The following ERC1 variants were observed in gnomAD, a reference collection of about 807,000 sequenced individuals.
The protein encoded by ERC1 is ELKS/RAB6-interacting/CAST family member 1.
In ERC1, 56 loss-of-function variants were observed where a neutral mutation model predicts 132.0. That is an observed-to-expected ratio of 0.42 (90% CI 0.34 to 0.53). ERC1 has a LOEUF of 0.53. Among genes scored for constraint, ERC1 ranks in the 20% least tolerant of loss-of-function variants. The probability of loss-of-function intolerance (pLI) is 0.03; values close to 1 mark genes in which losing one functional copy is unlikely to be tolerated. For synonymous variants in ERC1, 478 were observed against 476.1 expected (o/e 1.00, Z -0.05); for missense variants, 1,202 against 1,349.9 (o/e 0.89, Z 1.72).
At chr12:1,251,793 T>C (rs1193938097) in intron 13 of ERC1, among the ~76,000 whole-genome samples, 1 of 152,182 alleles carries the variant, frequency 6.6e-6, no homozygotes, top group Non-Finnish European at 1.5e-5. Flanking sequence ...TGAAAGACTT[T>C]ATTGATAGGA....
Position 1,027,916 on chromosome 12 carries a change from G to A in ERC1, c.13G>A (p.Ala5Thr), listed in dbSNP as rs936122168. 2 of 1,607,144 alleles carry A rather than the reference G, an allele frequency of 1.2e-6. No individual in the cohort carries two copies. Among genetic ancestry groups the A allele is most frequent in the African/African-American group, 2.7e-5 (2 of 74,728 alleles). ...TGACCTTGCAACCATGTATGGAAGT[G>A]CCCGCTCTGTTGGGAAGGTGGAGCC... The part of the protein sequence containing the change: MYGS[A>T]RSVGKVEPSS... The change falls in exon 2 of 19, where the codon GCC (alanine) becomes ACC (threonine). Residue 5 changes from alanine (A) to threonine (T), a missense_variant. Physicochemically the swap from Ala to Thr is moderately conservative, Grantham distance 58. Coordinates refer to ENST00000360905, the MANE Select transcript of ERC1 (RefSeq NM_178040.4).
chr12:1,232,859 A>T (rs77665718), intron 12 of ERC1, among the ~76,000 whole-genome samples: 3 of 151,880 alleles, frequency 2.0e-5, no homozygotes, highest in Admixed American at 6.6e-5. Flanking sequence ...TACTTCGGTG[A>T]TGTGTTATAT....
intron 8 of ERC1, among the ~76,000 whole-genome samples, chr12:1,159,181 A>G (rs1022905747): frequency 2.6e-5 from 4 of 152,212 alleles, no homozygotes; most frequent in African/African-American, 4.8e-5. Flanking sequence ...TTGTTTAACC[A>G]GAATTGATTC....
At chr12:1,185,156 G>A (rs187800921) in intron 11 of ERC1, among the ~76,000 whole-genome samples, 1 of 151,972 alleles carries the variant, frequency 6.6e-6, no homozygotes, top group Admixed American at 6.5e-5. Flanking sequence ...TGATCCACCC[G>A]CCTCAGCCTC....
chr12:1,456,037 C>T (rs2093526476), intron 18 of ERC1, among the ~76,000 whole-genome samples: 1 of 152,186 alleles, frequency 6.6e-6, no homozygotes, highest in Non-Finnish European at 1.5e-5. Flanking sequence ...GGTGAGGAAA[C>T]ATTTATGGGC....
chr12:1,150,921 TGCGAATAAA>T (rs1950777933), intron 8 of ERC1, among the ~76,000 whole-genome samples: 2 of 152,052 alleles, frequency 1.3e-5, no homozygotes, highest in South Asian at 4.1e-4. Context: ...ACTAAGGAAA[TGCGAATAAA>T]GCACGGACTC....
intron 3 of ERC1, among the ~76,000 whole-genome samples, chr12:1,090,866 GTTA>G (rs746269720): frequency 0.028 from 732 of 26,590 alleles, 226 homozygotes; most frequent in African/African-American, 0.06. Context: ...TGTTGTTGTT[GTTA>G]TTATTATTAT....
chr12:1,446,610 C>T (rs181456957), intron 18 of ERC1, among the ~76,000 whole-genome samples: 1 of 152,114 alleles, frequency 6.6e-6, no homozygotes, highest in Non-Finnish European at 1.5e-5. Context: ...ACAGAACTTC[C>T]TGTGGTGTGA....
intron 2 of ERC1, among the ~76,000 whole-genome samples, chr12:1,081,995 G>T (rs57474578): frequency 0.046 from 6,927 of 151,056 alleles, 200 homozygotes; most frequent in African/African-American, 0.078. Flanking sequence ...ATACTTAAAA[G>T]TCATTTTGTA....
chr12:1,416,714 C>T (rs1184577101), intron 17 of ERC1, among the ~76,000 whole-genome samples: 1 of 152,188 alleles, frequency 6.6e-6, no homozygotes, highest in South Asian at 2.1e-4. Context: ...AACCAGATTA[C>T]TTGGTTTCAA....
chr12:1,249,294 C>T (rs2076335856), intron 13 of ERC1, among the ~76,000 whole-genome samples: 1 of 152,172 alleles, frequency 6.6e-6, no homozygotes, highest in African/African-American at 2.4e-5. Context: ...ATTCCAGCAA[C>T]AGCAAGAACC....
chr12:1,051,712 C>T (rs1473115525), intron 2 of ERC1, among the ~76,000 whole-genome samples: 5 of 152,058 alleles, frequency 3.3e-5, no homozygotes, highest in African/African-American at 1.2e-4. Context: ...GAGCGAGACC[C>T]TGTCTCTTAT....
chr12:1,143,936 T>G (rs975017230), intron 8 of ERC1, among the ~76,000 whole-genome samples: 1 of 152,196 alleles, frequency 6.6e-6, no homozygotes, highest in African/African-American at 2.4e-5. Flanking sequence ...TACTTAGTCA[T>G]CATACTGAAT....
At chr12:1,462,951 G>A (rs966947165) in intron 18 of ERC1, among the ~76,000 whole-genome samples, 4 of 150,246 alleles carry the variant, frequency 2.7e-5, no homozygotes, top group Admixed American at 6.6e-5. Context: ...TTTTTCCACC[G>A]TAAATGCCAG....
At chr12:1,428,311 G>A (rs1445204191) in intron 17 of ERC1, among the ~76,000 whole-genome samples, 1 of 152,138 alleles carries the variant, frequency 6.6e-6, no homozygotes, top group African/African-American at 2.4e-5. Flanking sequence ...AATAAAACGT[G>A]GATGAGTTTT....
At chr12:1,444,854 G>C (rs2093260243) in intron 18 of ERC1, 104 bp downstream of exon 18, 1 of 983,590 alleles carries the variant, frequency 1.0e-6, no homozygotes, top group Non-Finnish European at 1.5e-6. Flanking sequence ...CCGTGTAGTT[G>C]ATGCAGTGGG....
intron 3 of ERC1, among the ~76,000 whole-genome samples, chr12:1,084,604 A>G (rs996407894): frequency 7.9e-5 from 12 of 152,172 alleles, no homozygotes; most frequent in African/African-American, 2.9e-4. Context: ...ATAGATTAAC[A>G]AAAACTTATA....
intron 12 of ERC1, among the ~76,000 whole-genome samples, chr12:1,225,449 TACACACACAC>T (rs67132193): frequency 4.5e-4 from 59 of 131,846 alleles, no homozygotes; most frequent in East Asian, 3.1e-3. Flanking sequence ...GGCTGTCTCT[TACACACACAC>T]ACACACACAC....
At chr12:1,462,698 C>A (rs1258018913) in intron 18 of ERC1, among the ~76,000 whole-genome samples, 7 of 152,040 alleles carry the variant, frequency 4.6e-5, no homozygotes, top group African/African-American at 1.7e-4. Context: ...TAAAACAGAA[C>A]CTTCTGGGGT....
Sources: allele counts gnomAD v4.1 joint callset (sites outside exome capture counted in the v4.1 genomes callset), GRCh38; gene constraint gnomAD v4.1.1; transcripts MANE v1.5; gene names NCBI Gene and HGNC (gene_info 2026-07-23, HGNC 2026-07-21).